Variants in GRM7 observed in about 807,000 individuals in gnomAD.
GRM7 encodes the protein metabotropic glutamate receptor 7.
GRM7 carries 35 observed loss-of-function variants against 84.5 expected under a neutral mutation model. That is an observed-to-expected ratio of 0.41 (90% confidence interval 0.32 to 0.55). GRM7 has a LOEUF of 0.55. Among genes scored for constraint, GRM7 ranks in the 20% least tolerant of loss-of-function variants. The probability of loss-of-function intolerance (pLI) is 0.19; values close to 1 mark genes in which losing one functional copy is unlikely to be tolerated. For synonymous variants in GRM7, 487 were observed against 455.1 expected, an observed-to-expected ratio of 1.07 and a Z score of -0.89; for missense variants, 1,003 against 1,194.6, an observed-to-expected ratio of 0.84 and a Z score of 2.36.
intron 8 of GRM7, among the ~76,000 whole-genome samples, chr3:7,620,749 C>CA (rs1697320251): frequency 6.6e-6 from 1 of 152,078 alleles, no homozygotes; most frequent in South Asian, 2.1e-4. Flanking sequence ...TAAAATGACC[C>CA]AAATTATAAA....
intron 2 of GRM7, among the ~76,000 whole-genome samples, chr3:7,173,801 C>G (rs916740872): frequency 1.3e-5 from 2 of 152,188 alleles, no homozygotes; most frequent in African/African-American, 4.8e-5. Context: ...CCTCCTCCCC[C>G]AGAATGAGAT....
At chr3:7,174,122 T>A (rs982653171) in intron 2 of GRM7, among the ~76,000 whole-genome samples, 1 of 152,076 alleles carries the variant, frequency 6.6e-6, no homozygotes, top group East Asian at 1.9e-4. Context: ...AGACTAGGGG[T>A]GGGAGTATGG....
At chr3:7,335,095 C>T (rs1334747400) in intron 4 of GRM7, among the ~76,000 whole-genome samples, 1 of 152,046 alleles carries the variant, frequency 6.6e-6, no homozygotes, top group Admixed American at 6.6e-5. Context: ...TTCTACTCAA[C>T]AACTATAGAA....
chr3:7,052,685 C>G (rs1189980866), intron 1 of GRM7, among the ~76,000 whole-genome samples: 2 of 129,140 alleles, frequency 1.5e-5, no homozygotes, highest in Non-Finnish European at 3.2e-5. Context: ...GTTTATTGCT[C>G]TTGATATGTA....
rs1267923030 is a variant in GRM7, at chr3:7,490,828, T to C, written c.1515+29106T>C. 2.6e-5 allele frequency among the ~76,000 whole-genome samples: 4 copies of C among 152,160 alleles called. No individual in the cohort carries two copies. In the East Asian group the frequency reaches 5.8e-4, roughly 22 times the overall value. On this transcript the variant is annotated intron_variant, in intron 7 of 9. Transcript: ENST00000357716. Reference sequence around the variant, plus strand: ...AAAGTATGAACAAGTATTTCAGAAATAAACTTGGCAATATATGTAAATGCC... The same window carrying C: ...AAAGTATGAACAAGTATTTCAGAAACAAACTTGGCAATATATGTAAATGCC...
chr3:7,186,895 A>G (rs1695534090), intron 2 of GRM7, among the ~76,000 whole-genome samples: 1 of 152,148 alleles, frequency 6.6e-6, no homozygotes, highest in Non-Finnish European at 1.5e-5. Context: ...CAAGTGTCTA[A>G]GACAATACGT....
At chr3:7,624,432 C>T (rs191068408) in intron 8 of GRM7, among the ~76,000 whole-genome samples, 5 of 152,208 alleles carry the variant, frequency 3.3e-5, no homozygotes, top group African/African-American at 7.2e-5. Context: ...TTTGACTTTG[C>T]GTTAACTACG....
intron 2 of GRM7, among the ~76,000 whole-genome samples, chr3:7,276,203 ATATATGTGTGTGTG>A (rs1477885183): frequency 1.6e-4 from 20 of 124,764 alleles, no homozygotes; most frequent in Middle Eastern, 4.1e-3. Flanking sequence ...ATATATATAT[ATATATGTGTGTGTG>A]TGTGTGTGTG....
chr3:6,887,188 T>G (rs1043235907), intron 1 of GRM7, among the ~76,000 whole-genome samples: 11 of 152,038 alleles, frequency 7.2e-5, no homozygotes, highest in African/African-American at 2.7e-4. Context: ...GTTGACTCTC[T>G]TTATTTTTTT....
chr3:7,044,064 A>G (rs1382362120), intron 1 of GRM7, among the ~76,000 whole-genome samples: 1 of 152,228 alleles, frequency 6.6e-6, no homozygotes, highest in Non-Finnish European at 1.5e-5. Context: ...TTTTGGAAAA[A>G]TATCACATCA....
intron 1 of GRM7, among the ~76,000 whole-genome samples, chr3:7,032,675 C>G (rs182328875): frequency 1.3e-5 from 2 of 152,120 alleles, no homozygotes; most frequent in East Asian, 3.9e-4. Flanking sequence ...TAGGAAGTGA[C>G]TAGTAAAACT....
In GRM7 at chr3:7,579,022, A is replaced by C; in HGVS notation, c.2116A>C (p.Thr706Pro). The C allele has an allele frequency of 6.2e-7, 1 of 1,614,088 alleles. No homozygotes were observed. The highest frequency in any genetic ancestry group is 8.5e-7 in the Non-Finnish European group (1 of 1,180,018). The change falls in exon 8 of 10, where the codon ACT becomes CCT. Residue 706 changes from threonine to proline, a missense_variant. Physicochemically the swap from Thr to Pro is conservative, Grantham distance 38. This residue lies in a region of GRM7 where 910 missense variants were observed against 1,126.0 expected (regional missense o/e 0.81). Coordinates refer to ENST00000357716, the MANE Select transcript of GRM7 (RefSeq NM_000844.4). ...LISPTSQLAI[T>P]SSLISVQLLG... Reference sequence around the variant, plus strand: ...AAGCCCAACATCACAACTGGCAATCACTTCCAGTTTAATATCAGTTCAGCT... The same window carrying C: ...AAGCCCAACATCACAACTGGCAATCCCTTCCAGTTTAATATCAGTTCAGCT...
chr3:7,618,856 A>G (rs1481532546), intron 8 of GRM7, among the ~76,000 whole-genome samples: 1 of 152,168 alleles, frequency 6.6e-6, no homozygotes, highest in Non-Finnish European at 1.5e-5. Flanking sequence ...GACCTTAGGC[A>G]TTGACCTGCA....
chr3:7,716,664 C>T (rs1385281100), intron 9 of GRM7, among the ~76,000 whole-genome samples: 1 of 152,156 alleles, frequency 6.6e-6, no homozygotes, highest in South Asian at 2.1e-4. Flanking sequence ...ACATCCTACT[C>T]CCATGGGTTG....
At chr3:7,295,369 G>A (rs1004399350) in intron 2 of GRM7, among the ~76,000 whole-genome samples, 1 of 152,076 alleles carries the variant, frequency 6.6e-6, no homozygotes, top group Non-Finnish European at 1.5e-5. Context: ...CTTTTTACCA[G>A]CATTACACTG....
intron 1 of GRM7, among the ~76,000 whole-genome samples, chr3:7,130,369 C>G (rs1379774663): frequency 6.6e-6 from 1 of 152,032 alleles, no homozygotes; most frequent in Non-Finnish European, 1.5e-5. Flanking sequence ...TAGTGAAACC[C>G]TGTCTCTACT....
intron 1 of GRM7, among the ~76,000 whole-genome samples, chr3:6,976,594 C>T (rs889392513): frequency 2.6e-5 from 4 of 152,070 alleles, no homozygotes. Context: ...CTTAAAACAG[C>T]ATTTGTGGCT....
At chr3:7,565,560 T>C (rs900572778) in intron 7 of GRM7, among the ~76,000 whole-genome samples, 8 of 152,150 alleles carry the variant, frequency 5.3e-5, no homozygotes, top group Non-Finnish European at 7.3e-5. Flanking sequence ...GCCAGGAAAC[T>C]TCATAGAATT....
chr3:7,258,045 G>A (rs1340100642), intron 2 of GRM7, among the ~76,000 whole-genome samples: 2 of 152,064 alleles, frequency 1.3e-5, no homozygotes, highest in African/African-American at 2.4e-5. Flanking sequence ...GGTAGTATTT[G>A]CATCATATTT....
Sources: allele counts gnomAD v4.1 joint callset (sites outside exome capture counted in the v4.1 genomes callset), GRCh38; gene constraint gnomAD v4.1.1; regional missense constraint gnomAD v4.1.1; transcripts MANE v1.5; gene names NCBI Gene and HGNC (gene_info 2026-07-23, HGNC 2026-07-21).